Variants in WDR72 observed in about 807,000 individuals in gnomAD.
The protein encoded by WDR72 is WD repeat-containing protein 72.
WDR72 carries 120 observed loss-of-function variants against 124.2 expected under a neutral mutation model. That is an observed-to-expected ratio of 0.97 (90% CI 0.83 to 1.12). The LOEUF is 1.12. Ranked by LOEUF, WDR72 falls within the 50% of genes most tolerant of loss-of-function variation. The pLI, the probability that WDR72 is intolerant of heterozygous loss-of-function variation, is 0.00. For synonymous variants in WDR72, 452 were observed against 441.7 expected, an observed-to-expected ratio of 1.02 and a Z score of -0.29; for missense variants, 1,387 against 1,278.8, an observed-to-expected ratio of 1.08 and a Z score of -1.29.
chr15:53,747,146 T>A (rs552317468), intron 1 of WDR72, among the ~76,000 whole-genome samples: 27 of 152,278 alleles, frequency 1.8e-4, no homozygotes, highest in South Asian at 6.2e-4. Flanking sequence ...CAAGCTGGCA[T>A]GGGTCAGCAG....
chr15:53,670,178 T>C (rs1256988961), intron 13 of WDR72, among the ~76,000 whole-genome samples: 1 of 152,146 alleles, frequency 6.6e-6, no homozygotes, highest in South Asian at 2.1e-4. Flanking sequence ...TTATTTAATA[T>C]GAATTTTTAT....
At chr15:53,538,994 G>A (rs1005621750) in intron 18 of WDR72, among the ~76,000 whole-genome samples, 2 of 152,000 alleles carry the variant, frequency 1.3e-5, no homozygotes, top group Non-Finnish European at 2.9e-5. Context: ...TCAAAATAGT[G>A]ATAGAAAAAT....
chr15:53,700,978 C>A (rs1367551935), intron 12 of WDR72, among the ~76,000 whole-genome samples: 2 of 152,150 alleles, frequency 1.3e-5, no homozygotes, highest in Non-Finnish European at 2.9e-5. Flanking sequence ...CAGGAATAGA[C>A]TATGGAGAAA....
intron 1 of WDR72, among the ~76,000 whole-genome samples, chr15:53,737,056 C>A (rs2018378260): frequency 1.3e-5 from 2 of 150,100 alleles, no homozygotes; most frequent in South Asian, 4.3e-4. Context: ...GACTTGCCAT[C>A]TCTGTTAGCT....
chr15:53,520,112 G>A (rs201704424), intron 19 of WDR72, among the ~76,000 whole-genome samples: 2 of 125,318 alleles, frequency 1.6e-5, no homozygotes, highest in African/African-American at 2.9e-5. Flanking sequence ...AAATACGTTC[G>A]TATTCACAAT....
Position 53,553,853 on chromosome 15 carries a change from C to T in WDR72, c.3149-30531G>A, listed in dbSNP as rs543100741. On this transcript the variant is annotated intron_variant, in intron 18 of 19. Transcript: ENST00000360509. ...AGTAACACAGTGATGTAATTTGAAA[C>T]CTTAAAAATTTCCAACTAAAATGAA... Among the ~76,000 whole-genome samples the T allele has an allele frequency of 2.0e-5, 3 of 152,140 alleles. No individual in the cohort carries two copies. In the South Asian group the frequency reaches 6.2e-4, roughly 32 times the overall value.
intron 14 of WDR72, among the ~76,000 whole-genome samples, chr15:53,651,041 C>T (rs2015220936): frequency 6.6e-6 from 1 of 151,888 alleles, no homozygotes; most frequent in African/African-American, 2.4e-5. Context: ...TTATTACACC[C>T]AACATATTCT....
intron 18 of WDR72, among the ~76,000 whole-genome samples, chr15:53,583,450 T>C (rs990591061): frequency 2.0e-5 from 3 of 152,008 alleles, no homozygotes. Context: ...ACTTGAAATA[T>C]GAAGTCCCTG....
At chr15:53,727,739 A>G (rs1158528439) in intron 2 of WDR72, among the ~76,000 whole-genome samples, 1 of 152,216 alleles carries the variant, frequency 6.6e-6, no homozygotes, top group Non-Finnish European at 1.5e-5. Context: ...AAATATCAGA[A>G]CAGAACATCA....
chr15:53,686,080 C>A (rs182021770), intron 13 of WDR72, among the ~76,000 whole-genome samples: 41 of 149,794 alleles, frequency 2.7e-4, no homozygotes, highest in African/African-American at 9.7e-4. Flanking sequence ...TGGAAAGGAA[C>A]AACCGGTACC....
chr15:53,706,236 C>T (rs1233876516), intron 9 of WDR72, among the ~76,000 whole-genome samples, 162 bp from the exon 10 acceptor site: 2 of 151,436 alleles, frequency 1.3e-5, no homozygotes, highest in African/African-American at 4.9e-5. Flanking sequence ...AATCTGTGAT[C>T]TAGGACTAAA....
At chr15:53,632,860 T>C (rs2014483998) in intron 14 of WDR72, among the ~76,000 whole-genome samples, 1 of 152,234 alleles carries the variant, frequency 6.6e-6, no homozygotes, top group African/African-American at 2.4e-5. Flanking sequence ...AATCTGAGTA[T>C]TTACCCAATG....
At chr15:53,724,082 T>C (rs1448247195) in intron 2 of WDR72, among the ~76,000 whole-genome samples, 2 of 152,186 alleles carry the variant, frequency 1.3e-5, no homozygotes, top group Non-Finnish European at 2.9e-5. Flanking sequence ...TACTATATGA[T>C]CTCACTTCTA....
chr15:53,708,254 T>C (rs1485122492), intron 9 of WDR72, among the ~76,000 whole-genome samples: 1 of 152,232 alleles, frequency 6.6e-6, no homozygotes, highest in Non-Finnish European at 1.5e-5. Flanking sequence ...TGGGGCTAAC[T>C]GCCTGGATTT....
chr15:53,674,711 T>A (rs1039397255), intron 13 of WDR72, among the ~76,000 whole-genome samples: 3 of 152,182 alleles, frequency 2.0e-5, no homozygotes, highest in Non-Finnish European at 4.4e-5. Context: ...CCTAATATGA[T>A]AACAAACTTA....
chr15:53,735,947 A>G (rs1309068594), intron 1 of WDR72, among the ~76,000 whole-genome samples: 1 of 152,108 alleles, frequency 6.6e-6, no homozygotes, highest in African/African-American at 2.4e-5. Context: ...GTTAAAATAT[A>G]ACAAATCTCA....
chr15:53,581,054 AAC>A (rs1213811310), intron 18 of WDR72, among the ~76,000 whole-genome samples: 1 of 138,008 alleles, frequency 7.2e-6, no homozygotes, highest in African/African-American at 2.5e-5. Flanking sequence ...GGAAACCATA[AAC>A]ACATTGACTG....
At chr15:53,590,025 C>A (rs1192825368) in intron 18 of WDR72, among the ~76,000 whole-genome samples, 1 of 151,946 alleles carries the variant, frequency 6.6e-6, no homozygotes, top group Non-Finnish European at 1.5e-5. Flanking sequence ...TATTTTAAAC[C>A]TAAATGACTA....
At position 53,609,602 on chromosome 15, in the gene WDR72, T is replaced by C. The variant is rs1219716604; in HGVS notation, c.2873-10A>G. 3 of 1,608,358 alleles carry C rather than the reference T, an allele frequency of 1.9e-6. No individual in the cohort carries two copies. The highest frequency in any genetic ancestry group is 1.7e-5 in the Admixed American group (1 of 59,882). On this transcript the variant is annotated splice_polypyrimidine_tract_variant and intron_variant, in intron 16 of 19. Transcript: ENST00000360509. The stretch of plus-strand genomic sequence containing the variant: ...TGGGATTCATTCTTACCTAGAAATA[T>C]ACAGAACACACTTGTATCTTTAGAG...
Sources: gnomAD v4.1 joint callset for allele counts (sites outside exome capture counted in the v4.1 genomes callset) on GRCh38, gnomAD v4.1.1 for gene constraint, MANE v1.5 for transcripts, NCBI Gene and HGNC (gene_info 2026-07-23, HGNC 2026-07-21) for gene names.